The following STX12 variants were observed in gnomAD, a reference collection of about 807,000 sequenced individuals.
STX12 encodes the protein syntaxin 12.
In STX12, 17 loss-of-function variants were observed where a neutral mutation model predicts 42.2. The observed-to-expected ratio is 0.40, with a 90% CI of 0.28 to 0.60. The LOEUF (loss-of-function observed/expected upper bound fraction) is 0.60, where lower values mean the gene tolerates loss of function less well. STX12 is among the 20% of genes least tolerant of loss of function. The pLI is 0.39. For synonymous variants in STX12, 108 were observed against 116.7 expected, an observed-to-expected ratio of 0.93 and a Z score of 0.48; for missense variants, 297 against 330.9, an observed-to-expected ratio of 0.90 and a Z score of 0.79.
At chr1:27,782,662 A>C (rs535693296) in intron 1 of STX12, among the ~76,000 whole-genome samples, 2 of 152,138 alleles carry the variant, frequency 1.3e-5, no homozygotes, top group African/African-American at 4.8e-5. Flanking sequence ...ACATGGTGAA[A>C]CCCTGTTTAC....
chr1:27,773,986 C>G (rs1034887929), intron 1 of STX12: 3 of 152,222 alleles, frequency 2.0e-5, no homozygotes, highest in African/African-American at 7.2e-5. Flanking sequence ...GACACAATGA[C>G]TGGTATTTGA....
rs1044506225 is a variant in STX12 at position 27,811,881 on chromosome 1, T to C, written c.471-282T>C. The C allele has an allele frequency of 5.0e-5, 24 of 484,548 alleles. 1 individual carries two copies. Among genetic ancestry groups the C allele is most frequent in the Admixed American group, 2.8e-4 (11 of 38,726 alleles). 30.0% of individuals were successfully genotyped at this position (484,548 alleles called of 1,614,324 possible). ...CCTTGTCTGGCAAGCCCCAGTGAGA[T>C]TACAGAGTATACCCCTAAATGGAAA... is the stretch of plus-strand genomic sequence containing the variant. On this transcript the variant is annotated intron_variant, in intron 5 of 8. Coordinates refer to ENST00000373943, the MANE Select transcript of STX12 (RefSeq NM_177424.3).
intron 1 of STX12, among the ~76,000 whole-genome samples, chr1:27,783,444 C>T (rs2088681237): frequency 6.6e-6 from 1 of 152,198 alleles, no homozygotes; most frequent in African/African-American, 2.4e-5. Context: ...AGCAATTCTT[C>T]TGCCTCAGCC....
intron 3 of STX12, among the ~76,000 whole-genome samples, chr1:27,801,383 G>A (rs1473264591): frequency 6.6e-6 from 1 of 150,796 alleles, no homozygotes; most frequent in Admixed American, 6.6e-5. Context: ...CAGCCTGGGC[G>A]ACAGAGCAAG....
intron 2 of STX12, among the ~76,000 whole-genome samples, chr1:27,791,950 C>T (rs1162157151): frequency 1.3e-5 from 2 of 149,176 alleles, no homozygotes; most frequent in African/African-American, 4.9e-5. Context: ...CGCCACAGCA[C>T]TCCGGCCTGG....
Position 27,784,039 on chromosome 1 carries a change from G to C in STX12, c.119-5523G>C, listed in dbSNP as rs573215440. Among the ~76,000 whole-genome samples, 37 of 152,174 alleles carry C rather than the reference G, an allele frequency of 2.4e-4. No homozygotes were observed. In the South Asian group the frequency reaches 7.3e-3, roughly 30 times the overall value. On this transcript the variant is annotated intron_variant, in intron 1 of 8. Coordinates refer to ENST00000373943, the MANE Select transcript of STX12 (RefSeq NM_177424.3). ...ACTAAAAATAGAAAAAATTAGCCGG[G>C]CATGGTGGCACATGCCTATAATCTC... is the stretch of plus-strand genomic sequence containing the variant.
At chr1:27,797,219 G>A (rs1221342013) in intron 3 of STX12, among the ~76,000 whole-genome samples, 2 of 151,942 alleles carry the variant, frequency 1.3e-5, no homozygotes, top group African/African-American at 2.4e-5. Flanking sequence ...ACACCACCAC[G>A]CTAATTTTTG....
chr1:27,812,442 T>TG lies in STX12; in HGVS notation c.576+175dup, dbSNP rs529324183. Among the ~76,000 whole-genome samples, 498 of 139,430 alleles carry TG rather than the reference T, an allele frequency of 3.6e-3. 3 individuals carry two copies. Among genetic ancestry groups the TG allele is most frequent in the African/African-American group, 0.016 (470 of 29,652 alleles). The allele number at this position is 139,430 out of a possible 152,430, so 91.5% of individuals were successfully genotyped here. A position where few individuals can be genotyped will look rare whatever the true frequency, so the allele number is the denominator to read the frequency against. The stretch of plus-strand genomic sequence containing the variant: ...GTGGGTTTGAACTACCGGTTTTTTT[T>TG]GTTTTTTTTTTTATCTTGGATGGAA... On this transcript the variant is annotated intron_variant, in intron 6 of 8. Coordinates refer to ENST00000373943, the MANE Select transcript of STX12 (RefSeq NM_177424.3).
chr1:27,776,874 T>C (rs2088631626), intron 1 of STX12, among the ~76,000 whole-genome samples: 1 of 152,210 alleles, frequency 6.6e-6, no homozygotes, highest in African/African-American at 2.4e-5. Context: ...TCGTGGTGTG[T>C]TCATCTCCTC....
Position 27,823,539 on chromosome 1 carries a change from G to A in STX12, c.*1210G>A, listed in dbSNP as rs1414098392. The A allele has an allele frequency of 6.6e-6, 1 of 152,522 alleles. No individual in the cohort carries two copies. 9.4% of individuals were successfully genotyped at this position (152,522 alleles called of 1,614,324 possible). On this transcript the variant is annotated 3_prime_UTR_variant, in exon 9 of 9. Coordinates refer to ENST00000373943, the MANE Select transcript of STX12 (RefSeq NM_177424.3). ...AGTTAAAGGGAACATAATTTGTTTA[G>A]GCTCCCACATAAATGTGAATCTGGC...
At chr1:27,791,467 T>TA (rs939511657) in intron 2 of STX12, among the ~76,000 whole-genome samples, 1 of 152,188 alleles carries the variant, frequency 6.6e-6, no homozygotes, top group African/African-American at 2.4e-5. Context: ...TGATTCTTTT[T>TA]ATCACATCCT....
intron 2 of STX12, among the ~76,000 whole-genome samples, chr1:27,791,987 AAT>A (rs960773476): frequency 9.6e-5 from 14 of 145,562 alleles, no homozygotes; most frequent in African/African-American, 3.5e-4. Flanking sequence ...CATCTCAAAA[AAT>A]ATATATATAT....
intron 1 of STX12, among the ~76,000 whole-genome samples, chr1:27,787,029 CACTT>C (rs1309664780): frequency 6.6e-6 from 1 of 152,156 alleles, no homozygotes; most frequent in East Asian, 1.9e-4. Flanking sequence ...AGTGGTTCCT[CACTT>C]AGTAGAATAG....
At chr1:27,807,172 A>G (rs567784498) in intron 4 of STX12, among the ~76,000 whole-genome samples, 70 of 152,262 alleles carry the variant, frequency 4.6e-4, no homozygotes, top group Admixed American at 7.8e-4. Context: ...TGGGGTGTCT[A>G]TCCCCTCAAG....
At chr1:27,818,084 G>A (rs1333876735) in intron 7 of STX12, 161 bp downstream of exon 7, 12 of 615,680 alleles carry the variant, frequency 1.9e-5, no homozygotes, top group Non-Finnish European at 2.8e-5. Flanking sequence ...AAGAAAGAAA[G>A]AAAGAAAAAG....
intron 2 of STX12, among the ~76,000 whole-genome samples, chr1:27,793,218 G>A (rs901424615): frequency 2.0e-5 from 3 of 152,156 alleles, no homozygotes; most frequent in Non-Finnish European, 4.4e-5. Flanking sequence ...GGTGTGGGCG[G>A]CAATTGTTCT....
At position 27,808,796 on chromosome 1, in the gene STX12, C is replaced by T. The variant is rs2088882088; in HGVS notation, c.427-1450C>T. 3.3e-5 allele frequency among the ~76,000 whole-genome samples: 5 copies of T among 152,218 alleles called. No homozygotes were observed. The South Asian group carries it at 8.3e-4, about 25-fold the overall frequency. ...CGATTGCTAGTCTTTCACCAAATGCCAAAAATCCTGGTGAATTCTCTTTTA... is the reference window on the plus strand; with the variant it reads ...CGATTGCTAGTCTTTCACCAAATGCTAAAAATCCTGGTGAATTCTCTTTTA... On this transcript the variant is annotated intron_variant, in intron 4 of 8. Transcript: ENST00000373943.
chr1:27,794,746 A>G lies in STX12; in HGVS notation c.288+1114A>G, dbSNP rs555086865. On this transcript the variant is annotated intron_variant, in intron 3 of 8. Coordinates refer to ENST00000373943, the MANE Select transcript of STX12 (RefSeq NM_177424.3). ...TTTTAAATTTTATTTTATTTTTGAGATAGGGTATTACTCTGTCACCCAGGC... is the reference window on the plus strand; with the variant it reads ...TTTTAAATTTTATTTTATTTTTGAGGTAGGGTATTACTCTGTCACCCAGGC... Among the ~76,000 whole-genome samples, 4 of 152,140 alleles carry G rather than the reference A, an allele frequency of 2.6e-5. No individual in the cohort carries two copies. The East Asian group carries it at 7.7e-4, about 29-fold the overall frequency.
chr1:27,816,310 C>T (rs1257633559), intron 6 of STX12, among the ~76,000 whole-genome samples: 1 of 150,966 alleles, frequency 6.6e-6, no homozygotes, highest in East Asian at 2.0e-4. Context: ...TGAAACTCTA[C>T]CTCAGAAAAA....
Sources: gnomAD v4.1 joint callset for allele counts (sites outside exome capture counted in the v4.1 genomes callset) on GRCh38, gnomAD v4.1.1 for gene constraint, MANE v1.5 for transcripts, NCBI Gene and HGNC (gene_info 2026-07-23, HGNC 2026-07-21) for gene names.